Variants in SUSD4 observed in about 807,000 individuals in gnomAD.
The protein encoded by SUSD4 is sushi domain-containing protein 4.
In SUSD4, 41 loss-of-function variants were observed where a neutral mutation model predicts 50.5. The ratio of observed to expected loss-of-function variants is 0.81; its 90% CI spans 0.63 to 1.05. The LOEUF (loss-of-function observed/expected upper bound fraction) is 1.05, where lower values mean the gene tolerates loss of function less well. Among genes scored for constraint, SUSD4 ranks in the 50% least tolerant of loss-of-function variants. The pLI, the probability that SUSD4 is intolerant of heterozygous loss-of-function variation, is 0.00. For missense variants in SUSD4, 580 were observed against 634.7 expected (o/e 0.91, Z 0.93); for synonymous variants, 257 against 257.3 (o/e 1.00, Z 0.01).
At chr1:223,334,581 G>T (rs371288629) in intron 2 of SUSD4, among the ~76,000 whole-genome samples, 2 of 152,242 alleles carry the variant, frequency 1.3e-5, no homozygotes, top group East Asian at 3.9e-4. Flanking sequence ...CTGGGGAGAG[G>T]CTGGGTCACA....
chr1:223,233,744 C>T (rs1660040514), intron 5 of SUSD4, among the ~76,000 whole-genome samples: 1 of 152,210 alleles, frequency 6.6e-6, no homozygotes, highest in African/African-American at 2.4e-5. Flanking sequence ...CAGCCTGTGA[C>T]TCATATCCCG....
At chr1:223,334,496 G>C (rs61838233) in intron 2 of SUSD4, among the ~76,000 whole-genome samples, 9,730 of 152,068 alleles carry the variant, frequency 0.064, 371 homozygotes, top group East Asian at 0.12. Context: ...AACTGACAAG[G>C]CTATAATAAA....
chr1:223,336,038 T>G (rs1419676814), intron 2 of SUSD4, among the ~76,000 whole-genome samples: 1 of 151,654 alleles, frequency 6.6e-6, no homozygotes, highest in Non-Finnish European at 1.5e-5. Context: ...GTCATTATAG[T>G]AGACTTTTTG....
At chr1:223,302,616 C>T (rs1371323173) in intron 2 of SUSD4, among the ~76,000 whole-genome samples, 2 of 152,108 alleles carry the variant, frequency 1.3e-5, no homozygotes, top group Admixed American at 6.5e-5. Context: ...TTCTGAGGGC[C>T]CCCTGCCCCA....
chr1:223,242,056 C>T (rs906764841), intron 5 of SUSD4, among the ~76,000 whole-genome samples: 4 of 152,170 alleles, frequency 2.6e-5, no homozygotes, highest in Admixed American at 1.3e-4. Flanking sequence ...ATCCTCTGAC[C>T]TCAGCCTCCC....
intron 2 of SUSD4, among the ~76,000 whole-genome samples, chr1:223,357,666 T>C (rs1668740610): frequency 6.6e-6 from 1 of 152,238 alleles, no homozygotes; most frequent in African/African-American, 2.4e-5. Context: ...TGAAGTACTA[T>C]TAACAATTTG....
At chr1:223,341,464 C>G (rs1667753982) in intron 2 of SUSD4, among the ~76,000 whole-genome samples, 1 of 150,444 alleles carries the variant, frequency 6.6e-6, no homozygotes, top group South Asian at 2.1e-4. Context: ...CCCACCCCCT[C>G]TCTGTCCTCC....
intron 2 of SUSD4, among the ~76,000 whole-genome samples, chr1:223,335,856 A>G (rs1667425785): frequency 6.6e-6 from 1 of 152,214 alleles, no homozygotes; most frequent in African/African-American, 2.4e-5. Context: ...GATTTGCTAG[A>G]TTACTTGTTG....
intron 3 of SUSD4, among the ~76,000 whole-genome samples, chr1:223,269,039 G>A (rs1272492680): frequency 1.3e-5 from 2 of 152,234 alleles, no homozygotes; most frequent in South Asian, 4.1e-4. Flanking sequence ...ATACTTTACT[G>A]TGTTTGTGGA....
chr1:223,227,499 C>T lies in SUSD4; in HGVS notation c.1061+95G>A. On this transcript the variant is annotated intron_variant, in intron 7 of 8. Transcript: ENST00000366878. This position sits in a 1 kb window ranked among gnomAD's most constrained non-coding sequence, Gnocchi z 4.5. The stretch of plus-strand genomic sequence containing the variant: ...TGCTCTCCCCTGTTTCCCTTTAGAG[C>T]TTCAACTTTTCACTCATCACTTTCT... 3 of 1,495,294 alleles carry T rather than the reference C, an allele frequency of 2.0e-6. No homozygotes were observed. Among genetic ancestry groups the T allele is most frequent in the Non-Finnish European group, 2.7e-6 (3 of 1,104,232 alleles). 92.6% of individuals were successfully genotyped at this position (1,495,294 alleles called of 1,614,324 possible). A position where few individuals can be genotyped will look rare whatever the true frequency, so the allele number is the denominator to read the frequency against.
rs117765539 is a variant in SUSD4 at position 223,309,468 on chromosome 1, T to C, written c.149-16817A>G. ...ACAACAGGACCTCTCTAGGTTCTAC[T>C]CGCAGGTCAGAGCACTGGGCTTGAA... On this transcript the variant is annotated intron_variant, in intron 2 of 8. Transcript: ENST00000366878. 1.2e-4 allele frequency among the ~76,000 whole-genome samples: 19 copies of C among 152,324 alleles called. No individual in the cohort carries two copies. In the East Asian group the frequency reaches 3.1e-3, roughly 25 times the overall value.
chr1:223,298,849 A>G (rs1271016363), intron 2 of SUSD4, among the ~76,000 whole-genome samples: 1 of 152,128 alleles, frequency 6.6e-6, no homozygotes, highest in Non-Finnish European at 1.5e-5. Context: ...GAACATTCCC[A>G]TGCACTTCCT....
At chr1:223,246,104 A>G (rs1660907737) in intron 5 of SUSD4, among the ~76,000 whole-genome samples, 1 of 152,136 alleles carries the variant, frequency 6.6e-6, no homozygotes, top group Non-Finnish European at 1.5e-5. Flanking sequence ...CACTCACATA[A>G]GGGGAGAGGG....
chr1:223,316,912 G>C (rs1666223390), intron 2 of SUSD4, among the ~76,000 whole-genome samples: 1 of 152,184 alleles, frequency 6.6e-6, no homozygotes, highest in Non-Finnish European at 1.5e-5. Context: ...GAGGCACCTA[G>C]GAGAGGAGGG....
intron 3 of SUSD4, among the ~76,000 whole-genome samples, chr1:223,282,032 T>C (rs1047238284): frequency 5.3e-5 from 8 of 152,148 alleles, no homozygotes; most frequent in Non-Finnish European, 1.2e-4. Flanking sequence ...TTGACAAAAT[T>C]CAACAACCCT....
At chr1:223,253,028 T>A (rs1300190102) in intron 5 of SUSD4, among the ~76,000 whole-genome samples, 1 of 151,370 alleles carries the variant, frequency 6.6e-6, no homozygotes, top group African/African-American at 2.4e-5. Context: ...GAGGCGGAGG[T>A]TGCAGTGAGC....
chr1:223,243,461 G>T (rs1046002881), intron 5 of SUSD4, among the ~76,000 whole-genome samples: 3 of 152,124 alleles, frequency 2.0e-5, no homozygotes, highest in African/African-American at 7.2e-5. Context: ...ATTTTTTTCT[G>T]CAGGTGACTC....
intron 5 of SUSD4, among the ~76,000 whole-genome samples, chr1:223,243,004 C>A (rs1660686934): frequency 1.3e-5 from 2 of 152,188 alleles, no homozygotes. Flanking sequence ...GGCAGATCCT[C>A]TCCTCATCCC....
At chr1:223,358,246 AGATG>A (rs143723639) in intron 2 of SUSD4, among the ~76,000 whole-genome samples, 8,229 of 152,096 alleles carry the variant, frequency 0.054, 282 homozygotes, top group East Asian at 0.12. Context: ...CACTGGAAAA[AGATG>A]GATGGATGGA....
Sources: allele counts gnomAD v4.1 joint callset (sites outside exome capture counted in the v4.1 genomes callset), GRCh38; gene constraint gnomAD v4.1.1; non-coding constraint Gnocchi (gnomAD v3.1); transcripts MANE v1.5; gene names NCBI Gene and HGNC (gene_info 2026-07-23, HGNC 2026-07-21).